Variants in TMEM44 observed in about 807,000 individuals in gnomAD.
TMEM44 encodes transmembrane protein 44.
In TMEM44, 43 loss-of-function variants were observed where a neutral mutation model predicts 47.8. The observed-to-expected ratio is 0.90, with a 90% confidence interval of 0.70 to 1.16. TMEM44 has a LOEUF of 1.16. Ranked by LOEUF, TMEM44 falls within the 50% of genes most tolerant of loss-of-function variation. The pLI, the probability that TMEM44 is intolerant of heterozygous loss-of-function variation, is 0.00. For missense variants in TMEM44, 568 were observed against 555.2 expected, an observed-to-expected ratio of 1.02 and a Z score of -0.23; for synonymous variants, 277 against 238.8, an observed-to-expected ratio of 1.16 and a Z score of -1.48.
intron 9 of TMEM44, among the ~76,000 whole-genome samples, chr3:194,592,513 G>C (rs1712887320): frequency 6.6e-6 from 1 of 152,146 alleles, no homozygotes; most frequent in Non-Finnish European, 1.5e-5. Flanking sequence ...CGTCTTCTTG[G>C]AGTCCCTATT....
intron 5 of TMEM44, among the ~76,000 whole-genome samples, chr3:194,619,334 G>A (rs546708246): frequency 1.3e-5 from 2 of 152,338 alleles, no homozygotes; most frequent in South Asian, 2.1e-4. Context: ...CTTGAAGAAC[G>A]GAACTGGATT....
Position 194,588,383 on chromosome 3 carries a change from G to T in TMEM44, c.*146C>A, listed in dbSNP as rs1439755845. ...CCGTGATGAGCTATGATGTAGCCCA[G>T]CCACACTCAGTGACGGCTCCTGGTT... On this transcript the variant is annotated 3_prime_UTR_variant, in exon 10 of 10. Transcript: ENST00000347147. 3.9e-5 allele frequency: 26 copies of T among 673,530 alleles called. No individual in the cohort carries two copies. Among genetic ancestry groups the T allele is most frequent in the Non-Finnish European group, 2.6e-6 (1 of 391,880 alleles). 41.7% of individuals were successfully genotyped at this position (673,530 alleles called of 1,614,324 possible).
intron 8 of TMEM44, among the ~76,000 whole-genome samples, chr3:194,609,166 T>C (rs1033410327): frequency 1.3e-5 from 2 of 152,040 alleles, no homozygotes; most frequent in Non-Finnish European, 1.5e-5. Context: ...AATTCTGTGT[T>C]GGACGAGGTA....
chr3:194,617,229 C>G lies in TMEM44; in HGVS notation c.653G>C (p.Arg218Pro). 7.5e-7 allele frequency: 1 copy of G among 1,333,644 alleles called. No individual in the cohort carries two copies. Among genetic ancestry groups the G allele is most frequent in the Non-Finnish European group, 9.9e-7 (1 of 1,009,606 alleles). 82.6% of individuals were successfully genotyped at this position (1,333,644 alleles called of 1,614,324 possible). Residue 218 changes from arginine (R) to proline (P), a missense_variant, in exon 6 of 10, where the codon CGG becomes CCG. By Grantham distance (103) the Arg-to-Pro change is moderately radical (BLOSUM62 -2). Transcript: ENST00000347147. ...KTFPSIHLWT[R>P]LLSALAGLLY... ...GAGGCCAGCCAGGGCCGACAGGAGC[C>G]GGGTCCACAGGTGGATGGAGGGAAA...
intron 9 of TMEM44, among the ~76,000 whole-genome samples, chr3:194,603,265 A>G (rs532585024): frequency 1.3e-5 from 2 of 152,384 alleles, no homozygotes; most frequent in South Asian, 2.1e-4. Context: ...AAAATGAGGT[A>G]AAGTTTATAC....
chr3:194,624,127 C>T (rs1004846602), intron 3 of TMEM44, among the ~76,000 whole-genome samples: 4 of 152,130 alleles, frequency 2.6e-5, no homozygotes, highest in South Asian at 4.1e-4. Context: ...GAACTGTGCG[C>T]GGGACAAACA....
intron 2 of TMEM44, 23 bp from the exon 3 acceptor site, chr3:194,626,013 T>G: frequency 6.5e-7 from 1 of 1,533,678 alleles, no homozygotes; most frequent in Non-Finnish European, 9.0e-7. Flanking sequence ...GGGAAGAGAG[T>G]CTTGGCATTC....
rs1206854357 is a variant in TMEM44 at position 194,588,429 on chromosome 3, T to A, written c.*100A>T. 10 of 1,040,350 alleles carry A rather than the reference T, an allele frequency of 9.6e-6. No individual in the cohort carries two copies. Among genetic ancestry groups the A allele is most frequent in the African/African-American group, 1.6e-5 (1 of 63,674 alleles). 64.4% of individuals were successfully genotyped at this position (1,040,350 alleles called of 1,614,324 possible). ...TGGTTCCTCACTTGCCAGGGCAGCTTCAGTTCCTGCCGCGGTGTCAGTGCA... is the reference window on the plus strand; with the variant it reads ...TGGTTCCTCACTTGCCAGGGCAGCTACAGTTCCTGCCGCGGTGTCAGTGCA... On this transcript the variant is annotated 3_prime_UTR_variant, in exon 10 of 10. Transcript: ENST00000347147.
rs367650611 is a variant in TMEM44, at chr3:194,610,903, G to C, written c.1017+13C>G. ...TCCTCTCAGACACCTGGCCATGACC[G>C]ATGGCCACTCACCTGCTGCACAGGC... On this transcript the variant is annotated intron_variant, in intron 8 of 9. Coordinates refer to ENST00000347147, the MANE Select transcript of TMEM44 (RefSeq NM_001011655.3). 509 of 1,607,672 alleles carry C rather than the reference G, an allele frequency of 3.2e-4. 2 individuals are homozygous for C. The Middle Eastern group carries it at 8.8e-3, about 28-fold the overall frequency.
intron 9 of TMEM44, among the ~76,000 whole-genome samples, chr3:194,598,816 G>T (rs9843937): frequency 0.43 from 64,520 of 151,668 alleles, 14,540 homozygotes; most frequent in East Asian, 0.77. Context: ...CAGAGTTAAG[G>T]TGCCAAATCA....
Position 194,588,441 on chromosome 3 carries a change from G to T in TMEM44, c.*88C>A. The T allele has an allele frequency of 8.6e-7, 1 of 1,168,668 alleles. No homozygotes were observed. Among genetic ancestry groups the T allele is most frequent in the Non-Finnish European group, 1.3e-6 (1 of 799,716 alleles). The allele number at this position is 1,168,668 out of a possible 1,614,324, so 72.4% of individuals were successfully genotyped here. A position where few individuals can be genotyped will look rare whatever the true frequency, so the allele number is the denominator to read the frequency against. On this transcript the variant is annotated 3_prime_UTR_variant, in exon 10 of 10. Coordinates refer to ENST00000347147, the MANE Select transcript of TMEM44 (RefSeq NM_001011655.3). Reference sequence around the variant, plus strand: ...TGCCAGGGCAGCTTCAGTTCCTGCCGCGGTGTCAGTGCAGATTGATTCCCG... The same window carrying T: ...TGCCAGGGCAGCTTCAGTTCCTGCCTCGGTGTCAGTGCAGATTGATTCCCG...
At chr3:194,620,664 G>A (rs1486110850) in intron 5 of TMEM44, among the ~76,000 whole-genome samples, 3 of 152,142 alleles carry the variant, frequency 2.0e-5, no homozygotes, top group African/African-American at 7.2e-5. Flanking sequence ...ACACAGTGGT[G>A]GGGCTGGCCT....
Position 194,617,091 on chromosome 3 carries a change from G to T in TMEM44, c.783+8C>A. The T allele has an allele frequency of 6.6e-7, 1 of 1,507,326 alleles. No individual in the cohort carries two copies. 93.4% of individuals were successfully genotyped at this position (1,507,326 alleles called of 1,614,324 possible). Reference sequence around the variant, plus strand: ...AAGCAGGGAGCTCCCCAGGCCTGGGGTGGATACAGCGAGGTCCAGTGCCGC... The same window carrying T: ...AAGCAGGGAGCTCCCCAGGCCTGGGTTGGATACAGCGAGGTCCAGTGCCGC... On this transcript the variant is annotated splice_region_variant and intron_variant, in intron 6 of 9. Coordinates refer to ENST00000347147, the MANE Select transcript of TMEM44 (RefSeq NM_001011655.3).
chr3:194,612,064 C>A (rs1715384737), intron 7 of TMEM44, among the ~76,000 whole-genome samples: 1 of 131,962 alleles, frequency 7.6e-6, no homozygotes. Flanking sequence ...AAATAAAATA[C>A]AGATTGCTGG....
chr3:194,629,202 G>A (rs958092978), intron 1 of TMEM44, among the ~76,000 whole-genome samples: 33 of 151,062 alleles, frequency 2.2e-4, no homozygotes, highest in Middle Eastern at 3.2e-3. Flanking sequence ...GCAGATAACT[G>A]CAGAGCACAG....
chr3:194,604,196 G>A lies in TMEM44; in HGVS notation c.1176+91C>T, dbSNP rs952468514. The A allele has an allele frequency of 4.1e-6, 6 of 1,473,678 alleles. No individual in the cohort carries two copies. The African/African-American group carries it at 5.6e-5, about 14-fold the overall frequency. The allele number at this position is 1,473,678 out of a possible 1,614,324, so 91.3% of individuals were successfully genotyped here. On this transcript the variant is annotated intron_variant, in intron 9 of 9. Coordinates refer to ENST00000347147, the MANE Select transcript of TMEM44 (RefSeq NM_001011655.3). ...GGTATGAGGTTAACGTGGATAAGAT[G>A]AGAACAGCTGCACAAGCCCCAAGGA...
intron 8 of TMEM44, among the ~76,000 whole-genome samples, chr3:194,607,920 C>T (rs77981536): frequency 0.015 from 2,306 of 152,274 alleles, 61 homozygotes; most frequent in African/African-American, 0.052. Flanking sequence ...AGCTCAAAGA[C>T]GCACTTGTGG....
chr3:194,610,366 A>C (rs1715184852), intron 8 of TMEM44, among the ~76,000 whole-genome samples: 1 of 152,180 alleles, frequency 6.6e-6, no homozygotes, highest in South Asian at 2.1e-4. Context: ...CCTTAGATCT[A>C]AAGGTCTTTG....
intron 5 of TMEM44, among the ~76,000 whole-genome samples, chr3:194,618,918 C>T (rs995899739): frequency 1.3e-5 from 2 of 152,234 alleles, no homozygotes; most frequent in Non-Finnish European, 2.9e-5. Flanking sequence ...CTCCGTGGAG[C>T]AGCCGGCTGG....
Sources: gnomAD v4.1 joint callset for allele counts (sites outside exome capture counted in the v4.1 genomes callset) on GRCh38, gnomAD v4.1.1 for gene constraint, MANE v1.5 for transcripts, NCBI Gene and HGNC (gene_info 2026-07-23, HGNC 2026-07-21) for gene names.